Variants in OLFM1 observed in about 807,000 individuals in gnomAD.
OLFM1 encodes olfactomedin 1.
Under a neutral mutation model 49.7 loss-of-function variants are expected in OLFM1, and 9 were observed. That is an observed-to-expected ratio of 0.18 (90% CI 0.11 to 0.32). The LOEUF (loss-of-function observed/expected upper bound fraction) is 0.32, where lower values mean the gene tolerates loss of function less well. OLFM1 is among the 10% of genes least tolerant of loss of function. The pLI, the probability that OLFM1 is intolerant of heterozygous loss-of-function variation, is 1.00. For missense variants in OLFM1, 369 were observed against 661.8 expected (o/e 0.56, Z 4.85); for synonymous variants, 240 against 271.8 (o/e 0.88, Z 1.15).
At chr9:135,093,204 G>A (rs994902099) in intron 2 of OLFM1, among the ~76,000 whole-genome samples, 3 of 152,320 alleles carry the variant, frequency 2.0e-5, no homozygotes, top group African/African-American at 7.2e-5. Context: ...TACAGCCCTG[G>A]AAGCCTCACC....
intron 5 of OLFM1, among the ~76,000 whole-genome samples, chr9:135,112,879 G>A (rs1339228821): frequency 6.6e-6 from 1 of 152,224 alleles, no homozygotes; most frequent in African/African-American, 2.4e-5. Context: ...GCCATGGCAG[G>A]AGGGAAGAGG....
chr9:135,076,083 GAGA>G, intron 1 of OLFM1: 1 of 1,506,736 alleles, frequency 6.6e-7, no homozygotes, highest in South Asian at 1.3e-5. Context: ...ACTCCCTGCT[GAGA>G]AGTTCAAAGG....
At chr9:135,091,741 C>CT (rs1564270998) in intron 2 of OLFM1, among the ~76,000 whole-genome samples, 9 of 8,542 alleles carry the variant, frequency 1.1e-3, no homozygotes, top group Admixed American at 2.9e-3. Context: ...TCACACACAC[C>CT]CACACATAGT....
chr9:135,116,980 G>A (rs959686846), intron 5 of OLFM1, among the ~76,000 whole-genome samples: 5 of 151,430 alleles, frequency 3.3e-5, no homozygotes, highest in African/African-American at 7.3e-5. Flanking sequence ...AATTTTTAGC[G>A]CGTGTGTAAT....
At chr9:135,102,235 C>A (rs1030880038) in intron 4 of OLFM1, among the ~76,000 whole-genome samples, 3 of 152,188 alleles carry the variant, frequency 2.0e-5, no homozygotes, top group Non-Finnish European at 2.9e-5. Flanking sequence ...AAACCTGAAG[C>A]CTCCCTCTTG....
At chr9:135,077,068 G>A (rs746313596) in intron 1 of OLFM1, 127 of 1,404,828 alleles carry the variant, frequency 9.0e-5, no homozygotes, top group Non-Finnish European at 1.1e-4. Context: ...ATGGCCTCTA[G>A]GAGAGGTTTT....
At chr9:135,109,291 C>T (rs573298300) in intron 5 of OLFM1, among the ~76,000 whole-genome samples, 9 of 152,312 alleles carry the variant, frequency 5.9e-5, no homozygotes, top group South Asian at 4.1e-4. Flanking sequence ...CTGGAAGCCC[C>T]GGCTGTTTGC....
At chr9:135,075,515 G>C (rs1217252119), upstream of OLFM1, 1 of 397,310 alleles carries the variant, frequency 2.5e-6, no homozygotes, top group East Asian at 4.4e-5. Context: ...AGACGCGCCG[G>C]AACCGGGACG....
rs953582551 is a variant in OLFM1 at position 135,103,962 on chromosome 9, C to T, written c.677-2787C>T. Among the ~76,000 whole-genome samples, 7 of 152,178 alleles carry T rather than the reference C, an allele frequency of 4.6e-5. No homozygotes were observed. In the South Asian group the frequency reaches 6.2e-4, roughly 14 times the overall value. ...TCACTGAGACAGAGAGTGAAGCCTT[C>T]GACTTGGGAGGCTTTTCTGAGCAAT... is the stretch of plus-strand genomic sequence containing the variant. On this transcript the variant is annotated intron_variant, in intron 4 of 5. Coordinates refer to ENST00000371793, the MANE Select transcript of OLFM1 (RefSeq NM_001282611.2).
intron 5 of OLFM1, among the ~76,000 whole-genome samples, chr9:135,107,198 G>A (rs1009269734): frequency 1.3e-5 from 2 of 152,130 alleles, no homozygotes; most frequent in African/African-American, 4.8e-5. Context: ...TTTCTCTGGA[G>A]CCGAAACCCA....
rs1428093691 is a variant in OLFM1, at chr9:135,088,370, G to C, written c.150+231G>C. 2.0e-5 allele frequency among the ~76,000 whole-genome samples: 3 copies of C among 151,630 alleles called. No individual in the cohort carries two copies. In the East Asian group the frequency reaches 5.9e-4, roughly 30 times the overall value. On this transcript the variant is annotated intron_variant, in intron 1 of 5. Transcript: ENST00000371793. This position sits in a 1 kb window ranked among gnomAD's most constrained non-coding sequence, Gnocchi z 4.8. ...CCATCTCCGCCCGCGCGCCCCTGGG[G>C]CGGCGTTTCCTTCGTCTGGGCCCCT...
At position 135,088,215 on chromosome 9, in the gene OLFM1, G is replaced by A. The variant is rs529823677; in HGVS notation, c.150+76G>A. Reference sequence around the variant, plus strand: ...TCCCCCTCCTCGGTCCGGAGCCCCGGGCTGGGCGGGCGCCGCGCGGGACCC... The same window carrying A: ...TCCCCCTCCTCGGTCCGGAGCCCCGAGCTGGGCGGGCGCCGCGCGGGACCC... On this transcript the variant is annotated intron_variant, in intron 1 of 5. Coordinates refer to ENST00000371793, the MANE Select transcript of OLFM1 (RefSeq NM_001282611.2). This position sits in a 1 kb window ranked among gnomAD's most constrained non-coding sequence, Gnocchi z 4.8. 1.3e-3 allele frequency: 1,575 copies of A among 1,194,774 alleles called. 14 individuals are homozygous for A. In the African/African-American group the frequency reaches 0.019, roughly 15 times the overall value. The allele number at this position is 1,194,774 out of a possible 1,614,324, so 74.0% of individuals were successfully genotyped here.
rs773741461 is a variant in OLFM1, at chr9:135,120,166, C to T, written c.1446C>T (p.Ser482=). ...YNVTLFHVIR[S]DEL ...TGACCCTCTTCCACGTCATCCGCTC[C>T]GACGAGTTGTAGCTCCCTCCTCCTG... The change falls in exon 6 of 6, where the codon TCC becomes TCT. Residue 482 remains serine, a synonymous_variant. Coordinates refer to ENST00000371793, the MANE Select transcript of OLFM1 (RefSeq NM_001282611.2). The T allele has an allele frequency of 7.2e-5, 116 of 1,609,328 alleles. No homozygotes were observed. The highest frequency in any genetic ancestry group is 8.7e-5 in the Non-Finnish European group (102 of 1,177,420).
chr9:135,115,682 C>T (rs905345834), intron 5 of OLFM1, among the ~76,000 whole-genome samples: 5 of 152,226 alleles, frequency 3.3e-5, no homozygotes, highest in Non-Finnish European at 7.3e-5. Flanking sequence ...TGGGCATGTG[C>T]AGTGCCCCCA....
rs1395756573 is a variant in OLFM1, at chr9:135,119,615, T to TCGGGCACGGGGCAGGTGGTCTACAA, written c.899_923dup (p.Ser309HisfsTer24). 6.2e-7 allele frequency: 1 copy of TCGGGCACGGGGCAGGTGGTCTACAA among 1,614,176 alleles called. No individual in the cohort carries two copies. Among genetic ancestry groups the TCGGGCACGGGGCAGGTGGTCTACAA allele is most frequent in the Non-Finnish European group, 8.5e-7 (1 of 1,180,030 alleles). Reference sequence around the variant, plus strand: ...CTCCCACCGTCTCCCCCACCCCTGGTCGGGCACGGGGCAGGTGGTCTACAA... The same window carrying TCGGGCACGGGGCAGGTGGTCTACAA: ...CTCCCACCGTCTCCCCCACCCCTGGTCGGGCACGGGGCAGGTGGTCTACAACGGGCACGGGGCAGGTGGTCTACAA... On this transcript the variant is annotated frameshift_variant, in exon 6 of 6. Coordinates refer to ENST00000371793, the MANE Select transcript of OLFM1 (RefSeq NM_001282611.2). LOFTEE classifies it high-confidence loss of function.
At chr9:135,109,529 C>A (rs557166372) in intron 5 of OLFM1, among the ~76,000 whole-genome samples, 1 of 152,118 alleles carries the variant, frequency 6.6e-6, no homozygotes, top group South Asian at 2.1e-4. Context: ...CCGGAGCCTG[C>A]TCAGAGCACC....
chr9:135,112,427 G>A (rs1815366), intron 5 of OLFM1, among the ~76,000 whole-genome samples: 32,184 of 152,168 alleles, frequency 0.21, 3,528 homozygotes, highest in Middle Eastern at 0.29. Flanking sequence ...GGATTTTTGC[G>A]TGGAGCCATG....
In OLFM1 at chr9:135,114,471, G is replaced by A. The variant is rs1588222255; in HGVS notation, c.784-5033G>A. ...TTCCCAAATAAGGTCCCATTTGCAGGTCCCAGGATGTGGACCTATCTTCTG... is the reference window on the plus strand; with the variant it reads ...TTCCCAAATAAGGTCCCATTTGCAGATCCCAGGATGTGGACCTATCTTCTG... On this transcript the variant is annotated intron_variant, in intron 5 of 5. Transcript: ENST00000371793. Among the ~76,000 whole-genome samples, 5 of 152,166 alleles carry A rather than the reference G, an allele frequency of 3.3e-5. No homozygotes were observed. The South Asian group carries it at 1.0e-3, about 32-fold the overall frequency.
chr9:135,076,884 C>G (rs878873801), intron 1 of OLFM1: 2 of 1,550,638 alleles, frequency 1.3e-6, no homozygotes, highest in South Asian at 1.2e-5. Context: ...AGAGAAGACA[C>G]TGAACGAGCT....
Sources: allele counts gnomAD v4.1 joint callset (sites outside exome capture counted in the v4.1 genomes callset), GRCh38; gene constraint gnomAD v4.1.1; non-coding constraint Gnocchi (gnomAD v3.1); transcripts MANE v1.5; gene names NCBI Gene and HGNC (gene_info 2026-07-23, HGNC 2026-07-21).